ZNF556: variants seen among roughly 807,000 people sequenced by gnomAD.
ZNF556 encodes zinc finger protein 556.
A neutral mutation model predicts 13.6 loss-of-function variants in ZNF556; 11 were observed. That is an observed-to-expected ratio of 0.81 (90% confidence interval 0.51 to 1.33). The LOEUF is 1.33. Among genes scored for constraint, ZNF556 ranks in the 40% most tolerant of loss-of-function variants. The pLI, the probability that ZNF556 is intolerant of heterozygous loss-of-function variation, is 0.00. For missense variants in ZNF556, 633 were observed against 566.2 expected (o/e 1.12, Z -1.20); for synonymous variants, 229 against 207.8 (o/e 1.10, Z -0.88).
In ZNF556 at chr19:2,873,538, G is replaced by C. The variant is rs920784305; in HGVS notation, c.46G>C (p.Glu16Gln). ...FEDVVVDFTL[E>Q]EWALLNPAQR... ...AGACGTGGTTGTGGATTTCACGCTG[G>C]AGGAGTGGGCCTTGCTGAATCCTGC... The change falls in exon 2 of 4, where the codon GAG becomes CAG. Residue 16 changes from glutamate to glutamine, a missense_variant. Coordinates refer to ENST00000307635, the MANE Select transcript of ZNF556 (RefSeq NM_024967.3). 6.2e-7 allele frequency: 1 copy of C among 1,614,082 alleles called. No individual in the cohort carries two copies. The highest frequency in any genetic ancestry group is 8.5e-7 in the Non-Finnish European group (1 of 1,180,028).
At chr19:2,868,129 T>G (rs2087772857) in intron 1 of ZNF556, among the ~76,000 whole-genome samples, 1 of 152,190 alleles carries the variant, frequency 6.6e-6, no homozygotes, top group Admixed American at 6.5e-5. Context: ...TTTCTGTTCC[T>G]TTTTTGCCCG....
intron 1 of ZNF556, among the ~76,000 whole-genome samples, chr19:2,869,371 A>AT (rs56655127): frequency 7.3e-5 from 11 of 151,218 alleles, no homozygotes; most frequent in African/African-American, 2.7e-4. Context: ...CTTTTTTTAA[A>AT]TTTTTTATTT....
chr19:2,871,235 T>G (rs535501591), intron 1 of ZNF556, among the ~76,000 whole-genome samples: 1 of 151,874 alleles, frequency 6.6e-6, no homozygotes, highest in Non-Finnish European at 1.5e-5. Flanking sequence ...AAGAAGGAAA[T>G]CCTGCCATTG....
chr19:2,872,184 C>G, intron 1 of ZNF556, among the ~76,000 whole-genome samples: 1 of 151,946 alleles, frequency 6.6e-6, no homozygotes, highest in Non-Finnish European at 1.5e-5. Context: ...TGACTGATGT[C>G]AGGCCCTCCA....
chr19:2,873,672 G>C lies in ZNF556; in HGVS notation c.130+50G>C, dbSNP rs754517422. 7 of 1,587,564 alleles carry C rather than the reference G, an allele frequency of 4.4e-6. No homozygotes were observed. The East Asian group carries it at 1.4e-4, about 31-fold the overall frequency. ...TTAGTTATTAGATAATAAATGTTTT[G>C]TCTGGTTGCAGTGGTTCATGCCTGT... On this transcript the variant is annotated intron_variant, in intron 2 of 3. Coordinates refer to ENST00000307635, the MANE Select transcript of ZNF556 (RefSeq NM_024967.3).
At chr19:2,868,214 G>T (rs985558610) in intron 1 of ZNF556, among the ~76,000 whole-genome samples, 1 of 151,644 alleles carries the variant, frequency 6.6e-6, no homozygotes, top group East Asian at 1.9e-4. Flanking sequence ...AGCCCTTGAC[G>T]GGGCTCCCGG....
At position 2,882,443 on chromosome 19, in the gene ZNF556, C is replaced by G. The variant is rs2087910950; in HGVS notation, c.*4114C>G. ...ACTCTGTCTCAAAAAAAAAAAGAGA[C>G]AAAAGGTATATTTATGGTTCAGCCT... is the stretch of plus-strand genomic sequence containing the variant. On this transcript the variant is annotated 3_prime_UTR_variant, in exon 4 of 4. Coordinates refer to ENST00000307635, the MANE Select transcript of ZNF556 (RefSeq NM_024967.3). The G allele has an allele frequency of 6.7e-6, 1 of 149,644 alleles. No homozygotes were observed. The highest frequency in any genetic ancestry group is 1.5e-5 in the Non-Finnish European group (1 of 67,570). The allele number at this position is 149,644 out of a possible 1,614,324, so 9.3% of individuals were successfully genotyped here. A position where few individuals can be genotyped will look rare whatever the true frequency, so the allele number is the denominator to read the frequency against.
intron 2 of ZNF556, 78 bp from the exon 3 acceptor site, chr19:2,876,015 T>C (rs2087848028): frequency 1.3e-5 from 16 of 1,209,806 alleles, no homozygotes; most frequent in Non-Finnish European, 1.9e-5. Context: ...AATGAAGTCA[T>C]GAAACAATTA....
rs1015683968 is a variant in ZNF556 at position 2,878,539 on chromosome 19, G to A, written c.*210G>A. 2.4e-6 allele frequency: 1 copy of A among 417,648 alleles called. No individual in the cohort carries two copies. The highest frequency in any genetic ancestry group is 2.4e-5 in the South Asian group (1 of 41,210). The allele number at this position is 417,648 out of a possible 1,614,324, so 25.9% of individuals were successfully genotyped here. A position where few individuals can be genotyped will look rare whatever the true frequency, so the allele number is the denominator to read the frequency against. Reference sequence around the variant, plus strand: ...AAAATACAAAAAATTAGCCGGGCGTGGTGGCGGGCACCTGTAGTCCCAGCT... The same window carrying A: ...AAAATACAAAAAATTAGCCGGGCGTAGTGGCGGGCACCTGTAGTCCCAGCT... On this transcript the variant is annotated 3_prime_UTR_variant, in exon 4 of 4. Coordinates refer to ENST00000307635, the MANE Select transcript of ZNF556 (RefSeq NM_024967.3).
In ZNF556 at chr19:2,882,531, A is replaced by ATATATATATATATAGT. The variant is rs57053138; in HGVS notation, c.*4202_*4203insTATATATATATATAGT. On this transcript the variant is annotated 3_prime_UTR_variant, in exon 4 of 4. Transcript: ENST00000307635. ...ATACATTTTATATATATATATATAT[A>ATATATATATATATAGT]GTGTGTGTGTGTGTGTGTGTGTGTG... 1 of 127,722 alleles carries ATATATATATATATAGT rather than the reference A, an allele frequency of 7.8e-6. No homozygotes were observed. Among genetic ancestry groups the ATATATATATATATAGT allele is most frequent in the African/African-American group, 3.0e-5 (1 of 32,940 alleles). The allele number at this position is 127,722 out of a possible 1,614,324, so 7.9% of individuals were successfully genotyped here. A position where few individuals can be genotyped will look rare whatever the true frequency, so the allele number is the denominator to read the frequency against.
At position 2,882,427 on chromosome 19, in the gene ZNF556, CA is replaced by C. The variant is rs576844876; in HGVS notation, c.*4109del. On this transcript the variant is annotated 3_prime_UTR_variant, in exon 4 of 4. Transcript: ENST00000307635. ...TGGGCGACTGAGTGGGACTCTGTCT[CA>C]AAAAAAAAAAGAGACAAAAGGTATA... 6.4e-4 allele frequency: 79 copies of C among 124,370 alleles called. No homozygotes were observed. The highest frequency in any genetic ancestry group is 7.8e-4 in the African/African-American group (26 of 33,382). The allele number at this position is 124,370 out of a possible 1,614,324, so 7.7% of individuals were successfully genotyped here. A position where few individuals can be genotyped will look rare whatever the true frequency, so the allele number is the denominator to read the frequency against.
In ZNF556 at chr19:2,877,474, A is replaced by G; in HGVS notation, c.516A>G (p.Gln172=). 6.2e-7 allele frequency: 1 copy of G among 1,614,188 alleles called. No individual in the cohort carries two copies. Among genetic ancestry groups the G allele is most frequent in the South Asian group, 1.1e-5 (1 of 91,088 alleles). ...GGCACAAAAGAGCTCACTCTGGACA[A>G]AAATTATATAAATGTAAGGAATGTG... ...LIRHKRAHSG[Q]KLYKCKECGK... Residue 172 remains glutamine, a synonymous_variant, in exon 4 of 4, where the codon CAA becomes CAG. Coordinates refer to ENST00000307635, the MANE Select transcript of ZNF556 (RefSeq NM_024967.3).
chr19:2,867,844 G>T (rs1433121598), intron 1 of ZNF556, among the ~76,000 whole-genome samples: 1 of 152,158 alleles, frequency 6.6e-6, no homozygotes, highest in African/African-American at 2.4e-5. Context: ...GTGGACAGGT[G>T]GTGCGGGCGC....
Position 2,867,583 on chromosome 19 carries a change from G to C in ZNF556, c.3+159G>C, listed in dbSNP as rs114931565. On this transcript the variant is annotated intron_variant, in intron 1 of 3. Transcript: ENST00000307635. The stretch of plus-strand genomic sequence containing the variant: ...GGTCCTGCGGGGAGTTTCCTCCCCT[G>C]CCCCAGTCTTCATTCCCTGGAAAGT... 8.7e-3 allele frequency among the ~76,000 whole-genome samples: 1,330 copies of C among 152,026 alleles called. 26 individuals are homozygous for C. The highest frequency in any genetic ancestry group is 0.031 in the African/African-American group (1,270 of 41,488).
At chr19:2,867,464 G>A (rs750448226) in intron 1 of ZNF556, 40 bp downstream of exon 1, 6 of 1,573,616 alleles carry the variant, frequency 3.8e-6, no homozygotes, top group Non-Finnish European at 4.3e-6. Flanking sequence ...CCGGAGCCCT[G>A]GGAGGGGAGG....
At chr19:2,874,758 AAAAGAAAG>A (rs572407996) in intron 2 of ZNF556, among the ~76,000 whole-genome samples, 8 of 130,774 alleles carry the variant, frequency 6.1e-5, no homozygotes, top group Admixed American at 5.4e-4. Flanking sequence ...AAAAAAAAAA[AAAAGAAAG>A]AAAGAAAGAA....
chr19:2,883,094 C>T lies in ZNF556; in HGVS notation c.*4765C>T, dbSNP rs566103689. On this transcript the variant is annotated 3_prime_UTR_variant, in exon 4 of 4. Coordinates refer to ENST00000307635, the MANE Select transcript of ZNF556 (RefSeq NM_024967.3). The stretch of plus-strand genomic sequence containing the variant: ...TATGGTCATCTGCACAGTTGTAGCC[C>T]GTTGCGAGTGTTTTCCCATGTGCAC... The T allele has an allele frequency of 4.7e-4, 71 of 152,192 alleles. No individual in the cohort carries two copies. Among genetic ancestry groups the T allele is most frequent in the Middle Eastern group, 3.4e-3 (1 of 294 alleles). 9.4% of individuals were successfully genotyped at this position (152,192 alleles called of 1,614,324 possible). A position where few individuals can be genotyped will look rare whatever the true frequency, so the allele number is the denominator to read the frequency against.
chr19:2,869,921 G>A (rs1050824336), intron 1 of ZNF556, among the ~76,000 whole-genome samples: 2 of 151,862 alleles, frequency 1.3e-5, no homozygotes, highest in African/African-American at 4.8e-5. Context: ...CCTGTCACTC[G>A]ACCCCCCTTG....
At chr19:2,868,195 C>A (rs1187449132) in intron 1 of ZNF556, among the ~76,000 whole-genome samples, 1 of 151,572 alleles carries the variant, frequency 6.6e-6, no homozygotes, top group African/African-American at 2.4e-5. Flanking sequence ...AAATGGGATT[C>A]CAGGGCTTAG....
Sources: allele counts gnomAD v4.1 joint callset (sites outside exome capture counted in the v4.1 genomes callset), GRCh38; gene constraint gnomAD v4.1.1; transcripts MANE v1.5; gene names NCBI Gene and HGNC (gene_info 2026-07-23, HGNC 2026-07-21).